IQCM: variants seen among roughly 807,000 people sequenced by gnomAD.
The protein encoded by IQCM is IQ motif containing M, also known as IQ domain-containing protein M.
A neutral mutation model predicts 57.6 loss-of-function variants in IQCM; 45 were observed. The ratio of observed to expected loss-of-function variants is 0.78; its 90% CI spans 0.62 to 1.00. IQCM has a LOEUF of 1.00. IQCM is among the 50% of genes least tolerant of loss of function. The pLI, the probability that IQCM is intolerant of heterozygous loss-of-function variation, is 0.00. For synonymous variants in IQCM, 148 were observed against 158.9 expected (o/e 0.93, Z 0.51); for missense variants, 468 against 511.6 (o/e 0.91, Z 0.82).
At chr4:149,775,308 C>G (rs1252289417) in intron 2 of IQCM, among the ~76,000 whole-genome samples, 1 of 151,670 alleles carries the variant, frequency 6.6e-6, no homozygotes, top group African/African-American at 2.4e-5. Flanking sequence ...TATTTCTCAG[C>G]CCAAGACAAA....
chr4:149,528,448 T>G (rs1445498194), intron 12 of IQCM, among the ~76,000 whole-genome samples: 1 of 152,164 alleles, frequency 6.6e-6, no homozygotes, highest in African/African-American at 2.4e-5. Context: ...ATGGCAAGGA[T>G]AGTATTATGC....
intron 5 of IQCM, among the ~76,000 whole-genome samples, chr4:149,701,505 T>G (rs755136732): frequency 3.3e-5 from 5 of 152,024 alleles, no homozygotes; most frequent in African/African-American, 4.8e-5. Flanking sequence ...TTTATTTAAT[T>G]TTTTGTAGCA....
intron 2 of IQCM, among the ~76,000 whole-genome samples, chr4:149,746,957 G>A (rs1377411834): frequency 6.6e-6 from 1 of 152,162 alleles, no homozygotes; most frequent in African/African-American, 2.4e-5. Flanking sequence ...CTCATCAGGT[G>A]TCTCTCAAGC....
intron 12 of IQCM, among the ~76,000 whole-genome samples, chr4:149,444,720 C>A (rs192168092): frequency 6.6e-6 from 1 of 151,182 alleles, no homozygotes; most frequent in Non-Finnish European, 1.5e-5. Flanking sequence ...TAAAATGAAT[C>A]GAAGGAAATA....
intron 8 of IQCM, among the ~76,000 whole-genome samples, chr4:149,607,377 C>T (rs1181704563): frequency 1.3e-5 from 2 of 151,860 alleles, no homozygotes; most frequent in Non-Finnish European, 2.9e-5. Context: ...ACCTGTTTTC[C>T]AAGAAATTCT....
At chr4:149,397,297 G>C (rs1298315269) in intron 13 of IQCM, among the ~76,000 whole-genome samples, 1 of 151,850 alleles carries the variant, frequency 6.6e-6, no homozygotes, top group African/African-American at 2.4e-5. Context: ...CTGATGATTA[G>C]TGATGTTGAA....
chr4:149,410,002 G>T (rs1208192350), intron 13 of IQCM, among the ~76,000 whole-genome samples: 4 of 152,132 alleles, frequency 2.6e-5, no homozygotes, highest in Non-Finnish European at 4.4e-5. Flanking sequence ...TAGCCAGGAT[G>T]GTGAAACCCC....
At chr4:149,725,028 T>C (rs1240838578) in intron 5 of IQCM, among the ~76,000 whole-genome samples, 1 of 152,070 alleles carries the variant, frequency 6.6e-6, no homozygotes, top group Admixed American at 6.5e-5. Context: ...AAAGAGAAGA[T>C]AATTTCATAT....
chr4:149,376,558 C>A (rs1390433585), intron 13 of IQCM, among the ~76,000 whole-genome samples: 1 of 152,008 alleles, frequency 6.6e-6, no homozygotes, highest in African/African-American at 2.4e-5. Context: ...CAGGGTTGCC[C>A]AGCTGAGATG....
chr4:149,436,564 T>A (rs17488863), intron 12 of IQCM, among the ~76,000 whole-genome samples: 59,671 of 151,932 alleles, frequency 0.39, 12,466 homozygotes, highest in East Asian at 0.5. Flanking sequence ...CATAATTGCA[T>A]TGTTAACTAA....
At chr4:149,665,773 C>A (rs1233340838) in intron 7 of IQCM, among the ~76,000 whole-genome samples, 1 of 152,056 alleles carries the variant, frequency 6.6e-6, no homozygotes, top group African/African-American at 2.4e-5. Flanking sequence ...GCAGACCCAC[C>A]CTCAATCTGG....
At chr4:149,472,613 A>G (rs1018944478) in intron 12 of IQCM, among the ~76,000 whole-genome samples, 1 of 152,198 alleles carries the variant, frequency 6.6e-6, no homozygotes, top group Non-Finnish European at 1.5e-5. Flanking sequence ...CAGAATTGGA[A>G]AAAACTACTT....
intron 2 of IQCM, among the ~76,000 whole-genome samples, chr4:149,777,175 AAAGAGACTGTCT>A (rs773768505): frequency 2.6e-5 from 4 of 152,222 alleles, no homozygotes; most frequent in Non-Finnish European, 4.4e-5. Flanking sequence ...CTTTCAGGAC[AAAGAGACTGTCT>A]GAAATTCTGC....
chr4:149,356,956 T>C (rs1729041076), intron 13 of IQCM, among the ~76,000 whole-genome samples: 1 of 152,200 alleles, frequency 6.6e-6, no homozygotes, highest in South Asian at 2.1e-4. Flanking sequence ...GAAGAGGTCC[T>C]TCACATCCCT....
At chr4:149,555,301 A>T (rs1274676440) in intron 10 of IQCM, among the ~76,000 whole-genome samples, 2 of 152,096 alleles carry the variant, frequency 1.3e-5, no homozygotes, top group African/African-American at 4.8e-5. Context: ...GGGAGGCAGA[A>T]CTCACTTCCC....
chr4:149,491,374 T>A (rs185623512), intron 12 of IQCM, among the ~76,000 whole-genome samples: 1 of 152,256 alleles, frequency 6.6e-6, no homozygotes, highest in East Asian at 1.9e-4. Context: ...ATAAAACTTT[T>A]GAACTTATTA....
At chr4:149,550,077 T>C (rs897056175) in intron 11 of IQCM, among the ~76,000 whole-genome samples, 1 of 152,248 alleles carries the variant, frequency 6.6e-6, no homozygotes, top group African/African-American at 2.4e-5. Flanking sequence ...TGCCAGCATC[T>C]GCATTCCATT....
At chr4:149,756,705 G>A (rs1768998683) in intron 2 of IQCM, among the ~76,000 whole-genome samples, 1 of 152,002 alleles carries the variant, frequency 6.6e-6, no homozygotes, top group South Asian at 2.1e-4. Flanking sequence ...TTTTCATGTA[G>A]AACTAAAATT....
intron 13 of IQCM, among the ~76,000 whole-genome samples, chr4:149,370,174 T>C (rs1730265718): frequency 6.6e-6 from 1 of 152,208 alleles, no homozygotes; most frequent in South Asian, 2.1e-4. Context: ...GATCATAGGC[T>C]TGAGCCACAA....
Sources: gnomAD v4.1 joint callset for allele counts (sites outside exome capture counted in the v4.1 genomes callset) on GRCh38, gnomAD v4.1.1 for gene constraint, MANE v1.5 for transcripts, NCBI Gene and HGNC (gene_info 2026-07-23, HGNC 2026-07-21) for gene names.